The following MAGI2 variants were observed in gnomAD, a reference collection of about 807,000 sequenced individuals.
MAGI2 encodes membrane associated guanylate kinase, WW and PDZ domain containing 2.
In MAGI2, 35 loss-of-function variants were observed where a neutral mutation model predicts 133.3. The ratio of observed to expected loss-of-function variants is 0.26; its 90% CI spans 0.20 to 0.35. The LOEUF (loss-of-function observed/expected upper bound fraction) is 0.35, where lower values mean the gene tolerates loss of function less well. Ranked by LOEUF, MAGI2 falls within the 10% of genes least tolerant of loss-of-function variation. The pLI is 1.00. For synonymous variants in MAGI2, 729 were observed against 710.6 expected, an observed-to-expected ratio of 1.03 and a Z score of -0.41; for missense variants, 1,636 against 1,863.4, an observed-to-expected ratio of 0.88 and a Z score of 2.25.
At chr7:78,560,340 G>C (rs1237891991) in intron 3 of MAGI2, among the ~76,000 whole-genome samples, 1 of 152,138 alleles carries the variant, frequency 6.6e-6, no homozygotes, top group African/African-American at 2.4e-5. Flanking sequence ...GTTCAAAAGA[G>C]AGGTGAGAGT....
At chr7:78,860,461 A>T (rs1213611771) in intron 2 of MAGI2, among the ~76,000 whole-genome samples, 1 of 152,106 alleles carries the variant, frequency 6.6e-6, no homozygotes, top group Non-Finnish European at 1.5e-5. Flanking sequence ...TTTCCTTCTA[A>T]CAGTCAGGAC....
chr7:78,603,986 AT>A (rs1805499224), intron 3 of MAGI2, among the ~76,000 whole-genome samples: 1 of 152,230 alleles, frequency 6.6e-6, no homozygotes, highest in South Asian at 2.1e-4. Context: ...TTTAGAGCTG[AT>A]AGGCTGGTCG....
intron 2 of MAGI2, among the ~76,000 whole-genome samples, chr7:78,670,443 C>A (rs891698617): frequency 6.6e-6 from 1 of 152,158 alleles, no homozygotes; most frequent in African/African-American, 2.4e-5. Context: ...AATGGAAGAA[C>A]GTTCAATGCT....
rs1285716651 is a variant in MAGI2, at chr7:79,324,581, CAT to C, written c.301+128437_301+128438del. Among the ~76,000 whole-genome samples the C allele has an allele frequency of 3.1e-4, 13 of 41,436 alleles. 2 individuals carry two copies. Among genetic ancestry groups the C allele is most frequent in the African/African-American group, 9.5e-4 (11 of 11,558 alleles). The allele number at this position is 41,436 out of a possible 152,430, so 27.2% of individuals were successfully genotyped here. A position where few individuals can be genotyped will look rare whatever the true frequency, so the allele number is the denominator to read the frequency against. On this transcript the variant is annotated intron_variant, in intron 1 of 21. Coordinates refer to ENST00000354212, the MANE Select transcript of MAGI2 (RefSeq NM_012301.4). ...TACACATATAACCATATATATACAC[CAT>C]ATATATATAACAATATATATATAAA...
intron 6 of MAGI2, among the ~76,000 whole-genome samples, chr7:78,371,108 CA>C (rs1219772914): frequency 6.6e-6 from 1 of 151,874 alleles, no homozygotes; most frequent in Non-Finnish European, 1.5e-5. Flanking sequence ...CTCTGTTTAA[CA>C]AGGCATAAAC....
chr7:78,588,617 C>T (rs1290869537), intron 3 of MAGI2, among the ~76,000 whole-genome samples: 1 of 152,190 alleles, frequency 6.6e-6, no homozygotes, highest in Non-Finnish European at 1.5e-5. Flanking sequence ...GGCTGAGCTC[C>T]TATCAGAGCC....
chr7:79,453,574 T>G lies in MAGI2; in HGVS notation c.-254A>C. ...CTGTCCCTTGAATGACACTCAAGGCTGTGGCCCCGCAGCAGAGGAAGCAGT... is the reference window on the plus strand; with the variant it reads ...CTGTCCCTTGAATGACACTCAAGGCGGTGGCCCCGCAGCAGAGGAAGCAGT... On this transcript the variant is annotated 5_prime_UTR_variant, in exon 1 of 22. Transcript: ENST00000354212. The G allele has an allele frequency of 8.5e-7, 1 of 1,170,950 alleles. No individual in the cohort carries two copies. The highest frequency in any genetic ancestry group is 1.1e-6 in the Non-Finnish European group (1 of 949,078). 72.5% of individuals were successfully genotyped at this position (1,170,950 alleles called of 1,614,324 possible). A position where few individuals can be genotyped will look rare whatever the true frequency, so the allele number is the denominator to read the frequency against.
chr7:78,597,921 TAAAAG>T (rs1563221778), intron 3 of MAGI2, among the ~76,000 whole-genome samples: 1 of 152,032 alleles, frequency 6.6e-6, no homozygotes, highest in East Asian at 1.9e-4. Context: ...TATTTAATAA[TAAAAG>T]AAAAATAGGC....
intron 1 of MAGI2, among the ~76,000 whole-genome samples, chr7:79,337,994 A>G (rs1166481142): frequency 6.6e-6 from 1 of 152,190 alleles, no homozygotes; most frequent in East Asian, 1.9e-4. Context: ...TTGAGCAGCA[A>G]TGAACATAAA....
chr7:78,072,487 A>T (rs1814817831), intron 21 of MAGI2: 1 of 153,688 alleles, frequency 6.5e-6, no homozygotes, highest in African/African-American at 2.4e-5. Context: ...GGTGTTAAGT[A>T]AATCTGATTT....
chr7:78,860,166 T>A (rs1279247137), intron 2 of MAGI2, among the ~76,000 whole-genome samples: 1 of 152,192 alleles, frequency 6.6e-6, no homozygotes, highest in Admixed American at 6.5e-5. Context: ...GTTTTTAGCT[T>A]CTTTGCTATG....
chr7:78,513,994 A>G (rs1425873765), intron 4 of MAGI2, among the ~76,000 whole-genome samples: 1 of 146,654 alleles, frequency 6.8e-6, no homozygotes, highest in Non-Finnish European at 1.5e-5. Flanking sequence ...AGGGTGAGGC[A>G]GGAGAATTGC....
At chr7:78,049,959 T>C (rs1306826090) in intron 21 of MAGI2, among the ~76,000 whole-genome samples, 1 of 152,224 alleles carries the variant, frequency 6.6e-6, no homozygotes, top group African/African-American at 2.4e-5. Flanking sequence ...AATGAAATGC[T>C]CACTCTAACA....
At chr7:78,750,815 A>T (rs186678341) in intron 2 of MAGI2, among the ~76,000 whole-genome samples, 1 of 152,226 alleles carries the variant, frequency 6.6e-6, no homozygotes, top group Non-Finnish European at 1.5e-5. Flanking sequence ...AGGTTTCTAT[A>T]ATATGCTGAT....
At chr7:78,613,915 C>T (rs1266451829) in intron 3 of MAGI2, among the ~76,000 whole-genome samples, 1 of 151,796 alleles carries the variant, frequency 6.6e-6, no homozygotes, top group Non-Finnish European at 1.5e-5. Flanking sequence ...TTGAGACCAT[C>T]CTGGCCAACA....
chr7:78,508,445 A>T (rs561106571), intron 4 of MAGI2, among the ~76,000 whole-genome samples: 1 of 152,262 alleles, frequency 6.6e-6, no homozygotes, highest in Non-Finnish European at 1.5e-5. Context: ...CATTTTAGAT[A>T]ATATATCTTT....
At chr7:79,042,554 A>T (rs537417428) in intron 1 of MAGI2, among the ~76,000 whole-genome samples, 2 of 152,340 alleles carry the variant, frequency 1.3e-5, no homozygotes, top group Non-Finnish European at 2.9e-5. Flanking sequence ...TATACTAAAT[A>T]TATATGCATG....
At chr7:78,920,447 T>C (rs2151633002) in intron 2 of MAGI2, among the ~76,000 whole-genome samples, 1 of 152,148 alleles carries the variant, frequency 6.6e-6, no homozygotes, top group Middle Eastern at 3.4e-3. Context: ...GCTTTCCTAA[T>C]GATCCACACA....
intron 1 of MAGI2, among the ~76,000 whole-genome samples, chr7:79,378,967 T>C (rs913598906): frequency 7.4e-5 from 7 of 94,700 alleles, no homozygotes; most frequent in Admixed American, 2.0e-4. Context: ...TATATATATA[T>C]ATATTAAACT....
Sources: gnomAD v4.1 joint callset for allele counts (sites outside exome capture counted in the v4.1 genomes callset) on GRCh38, gnomAD v4.1.1 for gene constraint, MANE v1.5 for transcripts, NCBI Gene and HGNC (gene_info 2026-07-23, HGNC 2026-07-21) for gene names.